Variants in RPS6KC1 observed in about 807,000 individuals in gnomAD.
RPS6KC1 encodes the protein inactive ribosomal protein S6 kinase delta-1.
RPS6KC1 carries 54 observed loss-of-function variants against 103.8 expected under a neutral mutation model. That is an observed-to-expected ratio of 0.52 (90% CI 0.42 to 0.65). The LOEUF (loss-of-function observed/expected upper bound fraction) is 0.65, where lower values mean the gene tolerates loss of function less well. RPS6KC1 is among the 30% of genes least tolerant of loss of function. The pLI, the probability that RPS6KC1 is intolerant of heterozygous loss-of-function variation, is 0.00. For missense variants in RPS6KC1, 1,151 were observed against 1,253.8 expected (o/e 0.92, Z 1.24); for synonymous variants, 439 against 438.7 (o/e 1.00, Z -0.01).
intron 5 of RPS6KC1, among the ~76,000 whole-genome samples, chr1:213,126,348 T>G (rs1195802526): frequency 6.6e-6 from 1 of 152,134 alleles, no homozygotes; most frequent in Non-Finnish European, 1.5e-5. Flanking sequence ...CTAGGCTCAA[T>G]GAATCTCATT....
In RPS6KC1 at chr1:213,241,917, C is replaced by G. The variant is rs2094363838; in HGVS notation, c.2441C>G (p.Thr814Arg). The G allele has an allele frequency of 6.2e-7, 1 of 1,613,882 alleles. No homozygotes were observed. Among genetic ancestry groups the G allele is most frequent in the East Asian group, 2.2e-5 (1 of 44,890 alleles). ...GAGTCAGCAGTAACTGCAAACAACA[C>G]AGAAGAAAGCTTATTCCGTATTTGT... is the stretch of plus-strand genomic sequence containing the variant. ...VVESAVTANN[T>R]EESLFRICSP... Residue 814 changes from threonine to arginine, a missense_variant, in exon 11 of 15, where the codon ACA becomes AGA. Coordinates refer to ENST00000366960, the MANE Select transcript of RPS6KC1 (RefSeq NM_012424.6).
chr1:213,413,106 T>C, the RPS6KC1 span, among the ~76,000 whole-genome samples: 1 of 152,220 alleles, frequency 6.6e-6, no homozygotes, highest in African/African-American at 2.4e-5. Context: ...TGACGGAGTA[T>C]GTGTATTAGT....
chr1:213,108,601 A>G (rs1443266230), intron 4 of RPS6KC1, among the ~76,000 whole-genome samples: 1 of 151,574 alleles, frequency 6.6e-6, no homozygotes, highest in Non-Finnish European at 1.5e-5. Flanking sequence ...CAGCTTATCC[A>G]TGTGAACAAA....
At chr1:213,490,595 T>C in the RPS6KC1 span, among the ~76,000 whole-genome samples, 2 of 152,174 alleles carry the variant, frequency 1.3e-5, no homozygotes, top group Non-Finnish European at 2.9e-5. Context: ...TGGAGTGCTC[T>C]GTGGTCATCA....
At chr1:213,225,606 C>A (rs1259047789) in intron 8 of RPS6KC1, among the ~76,000 whole-genome samples, 1 of 152,150 alleles carries the variant, frequency 6.6e-6, no homozygotes, top group Non-Finnish European at 1.5e-5. Context: ...CCAGGCTGGT[C>A]TTAAACTCCT....
chr1:213,143,097 C>A (rs923854962), intron 6 of RPS6KC1, among the ~76,000 whole-genome samples: 3 of 152,004 alleles, frequency 2.0e-5, no homozygotes, highest in Admixed American at 6.6e-5. Context: ...GGTCATTCTT[C>A]TTCATATCCA....
chr1:213,572,777 G>A, the RPS6KC1 span, among the ~76,000 whole-genome samples: 2 of 152,154 alleles, frequency 1.3e-5, no homozygotes, highest in South Asian at 4.1e-4. Flanking sequence ...AGCATATACT[G>A]TTAATTTCTT....
chr1:213,327,353 G>T, the RPS6KC1 span, among the ~76,000 whole-genome samples: 38 of 152,084 alleles, frequency 2.5e-4, no homozygotes, highest in South Asian at 5.0e-3. Flanking sequence ...ATCCAGTGTT[G>T]TTCATACACA....
chr1:213,602,054 T>C, the RPS6KC1 span, among the ~76,000 whole-genome samples: 1 of 57,644 alleles, frequency 1.7e-5, no homozygotes, highest in African/African-American at 6.9e-5. Flanking sequence ...CTTTCTTTCT[T>C]TCTCTTTCTT....
At chr1:213,469,715 G>A in the RPS6KC1 span, among the ~76,000 whole-genome samples, 5 of 152,156 alleles carry the variant, frequency 3.3e-5, no homozygotes, top group South Asian at 6.2e-4. Flanking sequence ...ACAAACTTTA[G>A]TTTTAAAAAT....
chr1:213,618,801 C>G, the RPS6KC1 span, among the ~76,000 whole-genome samples: 2 of 152,248 alleles, frequency 1.3e-5, no homozygotes, highest in South Asian at 4.1e-4. Context: ...TTAATTTTTC[C>G]ATAATTGAAA....
chr1:213,586,780 G>A, the RPS6KC1 span, among the ~76,000 whole-genome samples: 1 of 152,210 alleles, frequency 6.6e-6, no homozygotes, highest in African/African-American at 2.4e-5. Flanking sequence ...GGCAGTGAGT[G>A]TGTCCTGGGG....
intron 8 of RPS6KC1, among the ~76,000 whole-genome samples, chr1:213,211,261 C>G (rs111405994): frequency 1.6e-4 from 24 of 152,258 alleles, no homozygotes; most frequent in South Asian, 4.1e-4. Context: ...TGGCATGAGC[C>G]GAACTTGGGC....
At chr1:213,734,672 T>C in the RPS6KC1 span, among the ~76,000 whole-genome samples, 2 of 152,380 alleles carry the variant, frequency 1.3e-5, no homozygotes, top group Admixed American at 1.3e-4. Context: ...AAAAGATGGC[T>C]GGCCAGGCCC....
chr1:213,206,532 A>C (rs1184450227), intron 8 of RPS6KC1, among the ~76,000 whole-genome samples: 1 of 152,242 alleles, frequency 6.6e-6, no homozygotes, highest in Non-Finnish European at 1.5e-5. Flanking sequence ...ATAAAAAAGC[A>C]TGAAAAAAGA....
the RPS6KC1 span, chr1:213,428,632 C>T: frequency 1.8e-5 from 2 of 109,534 alleles, no homozygotes; most frequent in African/African-American, 3.6e-5. Flanking sequence ...TTCTTTCTTT[C>T]GTCTTTCCTC....
chr1:213,712,684 C>T, the RPS6KC1 span, among the ~76,000 whole-genome samples: 2 of 152,320 alleles, frequency 1.3e-5, no homozygotes, highest in African/African-American at 4.8e-5. Flanking sequence ...GTTGTGAAGA[C>T]TGTGGGAAAA....
At chr1:213,080,184 C>A (rs1475327510) in intron 3 of RPS6KC1, among the ~76,000 whole-genome samples, 1 of 152,182 alleles carries the variant, frequency 6.6e-6, no homozygotes, top group East Asian at 1.9e-4. Context: ...TCCCAAAGTG[C>A]TGGGATTACA....
At chr1:213,098,482 C>A (rs2148719620) in intron 3 of RPS6KC1, among the ~76,000 whole-genome samples, 1 of 152,022 alleles carries the variant, frequency 6.6e-6, no homozygotes, top group South Asian at 2.1e-4. Context: ...ACCTGTAACT[C>A]TTCCTTTCAC....
Sources: allele counts gnomAD v4.1 joint callset (sites outside exome capture counted in the v4.1 genomes callset), GRCh38; gene constraint gnomAD v4.1.1; transcripts MANE v1.5; gene names NCBI Gene and HGNC (gene_info 2026-07-23, HGNC 2026-07-21).